Variants in CNTNAP5 observed in about 807,000 individuals in gnomAD.
CNTNAP5 encodes contactin associated protein family member 5, also known as contactin-associated protein-like 5.
In CNTNAP5, 72 loss-of-function variants were observed where a neutral mutation model predicts 150.2. The ratio of observed to expected loss-of-function variants is 0.48; its 90% CI spans 0.40 to 0.58. The LOEUF is 0.58. Among genes scored for constraint, CNTNAP5 ranks in the 20% least tolerant of loss-of-function variants. CNTNAP5 has a pLI of 0.00. For missense variants in CNTNAP5, 1,636 were observed against 1,626.2 expected (o/e 1.01, Z -0.10); for synonymous variants, 672 against 619.8 (o/e 1.08, Z -1.25).
intron 1 of CNTNAP5, among the ~76,000 whole-genome samples, chr2:124,037,657 G>A (rs958714022): frequency 1.3e-5 from 2 of 152,148 alleles, no homozygotes; most frequent in Non-Finnish European, 2.9e-5. Context: ...CAGGAGGTAG[G>A]ATGGTTGTTG....
intron 1 of CNTNAP5, among the ~76,000 whole-genome samples, chr2:124,130,014 A>G (rs561616418): frequency 9.9e-5 from 15 of 152,280 alleles, no homozygotes; most frequent in African/African-American, 3.6e-4. Flanking sequence ...CTGGGATCTC[A>G]TCTTCATTCT....
intron 13 of CNTNAP5, among the ~76,000 whole-genome samples, chr2:124,699,057 T>C (rs1421572097): frequency 6.6e-6 from 1 of 152,214 alleles, no homozygotes; most frequent in African/African-American, 2.4e-5. Flanking sequence ...TTTAATTTTA[T>C]GTAATTTAAA....
chr2:124,304,457 G>A (rs1688632894), intron 3 of CNTNAP5, among the ~76,000 whole-genome samples: 1 of 146,260 alleles, frequency 6.8e-6, no homozygotes. Context: ...AATTGCAGAA[G>A]GTTATAGGAG....
chr2:124,599,637 C>T (rs148486155), intron 11 of CNTNAP5, among the ~76,000 whole-genome samples: 34 of 152,262 alleles, frequency 2.2e-4, no homozygotes, highest in African/African-American at 8.2e-4. Flanking sequence ...AATAGAAGTA[C>T]CAGTGAGATG....
intron 19 of CNTNAP5, among the ~76,000 whole-genome samples, chr2:124,839,169 G>T (rs1166523707): frequency 6.6e-6 from 1 of 152,030 alleles, no homozygotes; most frequent in African/African-American, 2.4e-5. Flanking sequence ...TAGAGTGTAT[G>T]GTTTGTGCAG....
intron 1 of CNTNAP5, among the ~76,000 whole-genome samples, chr2:124,121,420 G>A (rs1393280053): frequency 6.6e-6 from 1 of 152,142 alleles, no homozygotes; most frequent in Non-Finnish European, 1.5e-5. Flanking sequence ...TATTTTGGAG[G>A]CTTTCTCCTT....
Position 124,140,318 on chromosome 2 carries a change from G to A in CNTNAP5, c.83-81387G>A, listed in dbSNP as rs866498766. 4.6e-5 allele frequency among the ~76,000 whole-genome samples: 7 copies of A among 151,902 alleles called. No individual in the cohort carries two copies. In the South Asian group the frequency reaches 6.3e-4, roughly 14 times the overall value. On this transcript the variant is annotated intron_variant, in intron 1 of 23. Coordinates refer to ENST00000682447, the MANE Select transcript of CNTNAP5 (RefSeq NM_001367498.1). ...CAAGGAGGCCTGCCTGCCTCTGTAG[G>A]CTCCACCTCTGGGGGCAGGGCACAG...
chr2:124,832,162 A>C (rs1682729446), intron 19 of CNTNAP5, among the ~76,000 whole-genome samples: 1 of 152,132 alleles, frequency 6.6e-6, no homozygotes, highest in African/African-American at 2.4e-5. Flanking sequence ...AAATCCAGGC[A>C]AAAATGTATG....
At chr2:124,535,214 G>C (rs1036400383) in intron 10 of CNTNAP5, among the ~76,000 whole-genome samples, 1 of 152,152 alleles carries the variant, frequency 6.6e-6, no homozygotes, top group East Asian at 1.9e-4. Flanking sequence ...AGATCCCCCA[G>C]CTCTGGTTGT....
At chr2:124,909,484 A>G (rs574088126) in intron 22 of CNTNAP5, among the ~76,000 whole-genome samples, 2 of 152,042 alleles carry the variant, frequency 1.3e-5, no homozygotes, top group Non-Finnish European at 2.9e-5. Flanking sequence ...TCTCACCATT[A>G]AGCTACACAT....
At chr2:124,873,417 C>A (rs1371949670) in intron 21 of CNTNAP5, among the ~76,000 whole-genome samples, 3 of 152,012 alleles carry the variant, frequency 2.0e-5, no homozygotes, top group African/African-American at 7.2e-5. Flanking sequence ...ATATCAAATA[C>A]CCAATAAAAT....
chr2:124,568,049 G>A (rs989041646), intron 11 of CNTNAP5, among the ~76,000 whole-genome samples: 7 of 152,300 alleles, frequency 4.6e-5, no homozygotes, highest in East Asian at 1.9e-4. Flanking sequence ...GAGAATCTGC[G>A]TGTTGATGCC....
At chr2:124,363,211 A>T (rs1214974976) in intron 3 of CNTNAP5, among the ~76,000 whole-genome samples, 1 of 152,138 alleles carries the variant, frequency 6.6e-6, no homozygotes, top group Non-Finnish European at 1.5e-5. Context: ...TTCTTCAGTT[A>T]CTTCTTGGAC....
chr2:124,377,443 G>A (rs1471029115), intron 3 of CNTNAP5, among the ~76,000 whole-genome samples: 3 of 152,060 alleles, frequency 2.0e-5, no homozygotes, highest in Non-Finnish European at 2.9e-5. Context: ...GGTGGCTGAG[G>A]TGGGCAGATC....
At chr2:124,740,146 C>T (rs1680467935) in intron 13 of CNTNAP5, among the ~76,000 whole-genome samples, 1 of 150,466 alleles carries the variant, frequency 6.6e-6, no homozygotes, top group Non-Finnish European at 1.5e-5. Context: ...ATTTAATTTA[C>T]ATATAATTAT....
chr2:124,139,721 G>A (rs558678222), intron 1 of CNTNAP5, among the ~76,000 whole-genome samples: 3 of 152,222 alleles, frequency 2.0e-5, no homozygotes, highest in African/African-American at 7.2e-5. Flanking sequence ...TGAGAATTCT[G>A]TGCCCGATCA....
At chr2:124,803,046 T>A (rs969144171) in intron 19 of CNTNAP5, among the ~76,000 whole-genome samples, 3 of 144,546 alleles carry the variant, frequency 2.1e-5, no homozygotes, top group African/African-American at 7.9e-5. Flanking sequence ...ACCCGGGAGG[T>A]GGAGCTTGCA....
chr2:124,229,598 C>A (rs1173591433), intron 2 of CNTNAP5, among the ~76,000 whole-genome samples: 3 of 152,148 alleles, frequency 2.0e-5, no homozygotes, highest in Non-Finnish European at 4.4e-5. Context: ...ACTTAGGTTG[C>A]CAACTCAATC....
chr2:124,471,332 G>A lies in CNTNAP5; in HGVS notation c.919-3407G>A, dbSNP rs56168234. Among the ~76,000 whole-genome samples, 370 of 152,168 alleles carry A rather than the reference G, an allele frequency of 2.4e-3. 4 individuals are homozygous for A. Among genetic ancestry groups the A allele is most frequent in the African/African-American group, 8.3e-3 (346 of 41,542 alleles). The stretch of plus-strand genomic sequence containing the variant: ...GTATTTTATTCTTTTTGTAGCAATT[G>A]TGAAAGGTAGTTCATTATGATTTGG... On this transcript the variant is annotated intron_variant, in intron 6 of 23. Coordinates refer to ENST00000682447, the MANE Select transcript of CNTNAP5 (RefSeq NM_001367498.1).
Sources: allele counts gnomAD v4.1 joint callset (sites outside exome capture counted in the v4.1 genomes callset), GRCh38; gene constraint gnomAD v4.1.1; transcripts MANE v1.5; gene names NCBI Gene and HGNC (gene_info 2026-07-23, HGNC 2026-07-21).